Variants in RFC3 observed in about 807,000 individuals in gnomAD.
RFC3 encodes replication factor C subunit 3.
A neutral mutation model predicts 45.1 loss-of-function variants in RFC3; 41 were observed. That is an observed-to-expected ratio of 0.91 (90% CI 0.71 to 1.18). RFC3 has a LOEUF of 1.18. RFC3 is among the 50% of genes most tolerant of loss of function. The pLI is 0.00. For synonymous variants in RFC3, 149 were observed against 144.0 expected (o/e 1.03, Z -0.25); for missense variants, 423 against 428.1 (o/e 0.99, Z 0.10).
chr13:33,863,891 G>A (rs2082357235), intron 8 of RFC3, among the ~76,000 whole-genome samples: 1 of 152,074 alleles, frequency 6.6e-6, no homozygotes, highest in South Asian at 2.1e-4. Context: ...TGTCATTTCT[G>A]CCCCCTCCTC....
chr13:33,846,574 G>A (rs764309152), intron 8 of RFC3: 1 of 152,434 alleles, frequency 6.6e-6, no homozygotes, highest in Non-Finnish European at 1.5e-5. Context: ...CCTGGGATTG[G>A]AGGAGGGGTG....
exon 9 of RFC3, chr13:33,966,252 C>G: frequency 1.3e-6 from 1 of 740,840 alleles, no homozygotes; most frequent in Non-Finnish European, 2.4e-6. Flanking sequence ...GATTCAGACT[C>G]CAGCCTGAAT....
chr13:33,960,860 G>A (rs988942822), intron 8 of RFC3, among the ~76,000 whole-genome samples: 5 of 152,130 alleles, frequency 3.3e-5, no homozygotes, highest in Non-Finnish European at 5.9e-5. Flanking sequence ...ATGATCTCTG[G>A]TGCTTTTGGG....
At chr13:33,934,116 C>CT (rs1396091272) in intron 8 of RFC3, among the ~76,000 whole-genome samples, 6 of 151,726 alleles carry the variant, frequency 4.0e-5, no homozygotes, top group African/African-American at 1.5e-4. Context: ...GGAGTTTGAG[C>CT]TTGAGCTCAG....
chr13:33,969,790 G>A (rs1416379942), downstream of RFC3, among the ~76,000 whole-genome samples: 1 of 151,986 alleles, frequency 6.6e-6, no homozygotes, highest in Non-Finnish European at 1.5e-5. Flanking sequence ...TATATGCCCT[G>A]TCCAACCTAC....
At chr13:33,957,164 T>G (rs1293118569) in intron 8 of RFC3, among the ~76,000 whole-genome samples, 1 of 152,172 alleles carries the variant, frequency 6.6e-6, no homozygotes, top group Non-Finnish European at 1.5e-5. Flanking sequence ...AATGTGTAGG[T>G]TATTTATTTC....
chr13:33,874,275 C>A (rs1423277795), intron 8 of RFC3, among the ~76,000 whole-genome samples: 1 of 152,100 alleles, frequency 6.6e-6, no homozygotes, highest in East Asian at 1.9e-4. Flanking sequence ...GGACACTGGC[C>A]CAGCAATGCC....
intron 8 of RFC3, among the ~76,000 whole-genome samples, chr13:33,944,755 C>A (rs1025129774): frequency 6.6e-6 from 1 of 152,086 alleles, no homozygotes; most frequent in Non-Finnish European, 1.5e-5. Flanking sequence ...CCCACCCACA[C>A]GCACACACTC....
At chr13:33,974,370 A>T in the RFC3 span, among the ~76,000 whole-genome samples, 1 of 152,160 alleles carries the variant, frequency 6.6e-6, no homozygotes, top group Non-Finnish European at 1.5e-5. Flanking sequence ...CCTGGCTCTC[A>T]CAAGTAGCCC....
rs1351597445 is a variant in RFC3, at chr13:33,829,924, A to G, written c.480A>G (p.Arg160=). 6.2e-7 allele frequency: 1 copy of G among 1,614,078 alleles called. No homozygotes were observed. The highest frequency in any genetic ancestry group is 1.7e-5 in the Admixed American group (1 of 60,018). The change falls in exon 5 of 9, where the codon AGA becomes AGG. Residue 160 remains arginine (R), a synonymous_variant. Coordinates refer to ENST00000380071, the MANE Select transcript of RFC3 (RefSeq NM_002915.4). ...TGGAAAAATATATGTCTACCTGCAGATTGATCTTGTGCTGCAATTCTACAT... is the reference window on the plus strand; with the variant it reads ...TGGAAAAATATATGTCTACCTGCAGGTTGATCTTGTGCTGCAATTCTACAT... ...RTMEKYMSTC[R]LILCCNSTSK...
chr13:33,842,222 A>G (rs1324119715), downstream of RFC3, among the ~76,000 whole-genome samples: 1 of 152,050 alleles, frequency 6.6e-6, no homozygotes, highest in Non-Finnish European at 1.5e-5. Context: ...TAGGAAGTTG[A>G]AGCTGCAATG....
chr13:33,962,563 A>T (rs1446256516), intron 8 of RFC3, among the ~76,000 whole-genome samples: 1 of 152,248 alleles, frequency 6.6e-6, no homozygotes, highest in East Asian at 1.9e-4. Context: ...GGAACCAATC[A>T]GAGGCCAAAT....
intron 8 of RFC3, among the ~76,000 whole-genome samples, chr13:33,935,337 A>G (rs1999165): frequency 0.3 from 45,375 of 152,004 alleles, 11,180 homozygotes; most frequent in African/African-American, 0.66. Context: ...TTGTTCTTTG[A>G]GAAATTAGAG....
intron 8 of RFC3, among the ~76,000 whole-genome samples, chr13:33,856,980 A>T (rs532719345): frequency 6.6e-6 from 1 of 152,150 alleles, no homozygotes; most frequent in Non-Finnish European, 1.5e-5. Flanking sequence ...AGAAAAGATG[A>T]TATGAAGGGG....
chr13:33,864,621 G>T (rs915983103), intron 8 of RFC3, among the ~76,000 whole-genome samples: 3 of 152,124 alleles, frequency 2.0e-5, no homozygotes, highest in African/African-American at 7.2e-5. Context: ...GATCTGTTTG[G>T]AGAGTTATGG....
At chr13:33,889,852 A>G (rs543312889) in intron 8 of RFC3, among the ~76,000 whole-genome samples, 31 of 152,212 alleles carry the variant, frequency 2.0e-4, no homozygotes, top group Non-Finnish European at 3.5e-4. Flanking sequence ...TGCAGTATAT[A>G]TACACAATAT....
At chr13:33,923,545 G>A (rs1319262074) in intron 8 of RFC3, among the ~76,000 whole-genome samples, 2 of 152,134 alleles carry the variant, frequency 1.3e-5, no homozygotes, top group African/African-American at 4.8e-5. Context: ...TCACTTGCAG[G>A]ATTGAATGAA....
chr13:33,933,604 A>G (rs2082866266), intron 8 of RFC3, among the ~76,000 whole-genome samples: 1 of 152,146 alleles, frequency 6.6e-6, no homozygotes. Flanking sequence ...ATAAAATTTA[A>G]TAATGTACAA....
chr13:33,954,504 G>A (rs866835466), intron 8 of RFC3, among the ~76,000 whole-genome samples: 1 of 152,194 alleles, frequency 6.6e-6, no homozygotes, highest in South Asian at 2.1e-4. Flanking sequence ...CCAACTTATC[G>A]CAATCTACTT....
Sources: gnomAD v4.1 joint callset for allele counts (sites outside exome capture counted in the v4.1 genomes callset) on GRCh38, gnomAD v4.1.1 for gene constraint, MANE v1.5 for transcripts, NCBI Gene and HGNC (gene_info 2026-07-23, HGNC 2026-07-21) for gene names.